Variants in TMEM131L observed in about 807,000 individuals in gnomAD.
TMEM131L encodes transmembrane protein 131-like.
A neutral mutation model predicts 192.2 loss-of-function variants in TMEM131L; 54 were observed. The observed-to-expected ratio is 0.28, with a 90% CI of 0.23 to 0.35. The LOEUF (loss-of-function observed/expected upper bound fraction) is 0.35. Ranked by LOEUF, TMEM131L falls within the 10% of genes least tolerant of loss-of-function variation. The probability of loss-of-function intolerance (pLI) is 1.00; values close to 1 mark genes in which losing one functional copy is unlikely to be tolerated. For missense variants in TMEM131L, 1,888 were observed against 1,972.9 expected (o/e 0.96, Z 0.82); for synonymous variants, 701 against 704.9 (o/e 0.99, Z 0.09).
chr4:153,567,342 T>C (rs899582351), intron 7 of TMEM131L, among the ~76,000 whole-genome samples: 3 of 152,208 alleles, frequency 2.0e-5, no homozygotes, highest in Non-Finnish European at 4.4e-5. Context: ...TTCCTACAAA[T>C]ACCTGTGTAA....
In TMEM131L at chr4:153,515,505, A is replaced by G. The variant is rs923008344; in HGVS notation, c.240-34568A>G. Among the ~76,000 whole-genome samples the G allele has an allele frequency of 1.1e-4, 17 of 152,148 alleles. 1 individual carries two copies. Among genetic ancestry groups the G allele is most frequent in the Admixed American group, 8.5e-4 (13 of 15,266 alleles). On this transcript the variant is annotated intron_variant, in intron 3 of 34. Transcript: ENST00000409959. ...CATTTGTACATTTGGATTGTTTCCA[A>G]TTATTGGCTATTATGAATAATGCTG...
intron 3 of TMEM131L, among the ~76,000 whole-genome samples, chr4:153,495,673 T>C (rs565228902): frequency 2.0e-5 from 3 of 152,292 alleles, no homozygotes; most frequent in Non-Finnish European, 2.9e-5. Flanking sequence ...TCTCCACCTG[T>C]GAAGATGAGC....
chr4:153,581,623 A>C, intron 9 of TMEM131L, 63 bp downstream of exon 9: 3 of 1,126,348 alleles, frequency 2.7e-6, no homozygotes, highest in Non-Finnish European at 3.6e-6. Flanking sequence ...ATTCTATAGC[A>C]TTTATGAACA....
At chr4:153,612,475 T>A (rs1229909251) in intron 26 of TMEM131L, 75 bp downstream of exon 26, 1 of 1,131,030 alleles carries the variant, frequency 8.8e-7, no homozygotes, top group Non-Finnish European at 1.2e-6. Flanking sequence ...TATGTGTATT[T>A]CATATGTTTC....
chr4:153,522,861 T>C (rs773236938), intron 3 of TMEM131L, among the ~76,000 whole-genome samples: 3 of 152,158 alleles, frequency 2.0e-5, no homozygotes, highest in Non-Finnish European at 4.4e-5. Flanking sequence ...CCACTATCAC[T>C]GCCCACAGAC....
chr4:153,618,633 A>G (rs1391184833), intron 26 of TMEM131L, among the ~76,000 whole-genome samples: 3 of 152,172 alleles, frequency 2.0e-5, no homozygotes, highest in Admixed American at 2.0e-4. Flanking sequence ...CAGAGAGGCT[A>G]AGTAACTTGC....
intron 3 of TMEM131L, among the ~76,000 whole-genome samples, chr4:153,505,199 C>A (rs7676993): frequency 6.6e-6 from 1 of 151,530 alleles, no homozygotes; most frequent in Non-Finnish European, 1.5e-5. Context: ...CTCTGCCTTC[C>A]GGGTTCAAGT....
chr4:153,482,487 TTATA>T (rs1732017411), intron 3 of TMEM131L, among the ~76,000 whole-genome samples: 1 of 152,208 alleles, frequency 6.6e-6, no homozygotes, highest in Non-Finnish European at 1.5e-5. Context: ...TGACACCTAT[TTATA>T]TAGTTATTTA....
intron 3 of TMEM131L, among the ~76,000 whole-genome samples, chr4:153,522,844 C>T (rs1735214455): frequency 6.6e-6 from 1 of 152,186 alleles, no homozygotes; most frequent in Non-Finnish European, 1.5e-5. Flanking sequence ...AGGGCCTCCC[C>T]ATCCTCCCAC....
intron 27 of TMEM131L, among the ~76,000 whole-genome samples, chr4:153,621,352 G>A (rs959534134): frequency 3.3e-5 from 5 of 152,154 alleles, no homozygotes; most frequent in African/African-American, 1.2e-4. Context: ...CCTGCAGAAG[G>A]TAGGTTCTTA....
At chr4:153,470,749 A>G (rs796845459) in intron 2 of TMEM131L, among the ~76,000 whole-genome samples, 7 of 152,336 alleles carry the variant, frequency 4.6e-5, no homozygotes, top group African/African-American at 1.7e-4. Context: ...TGATCCACGC[A>G]TAGGTGATGT....
chr4:153,496,230 C>T (rs994613825), intron 3 of TMEM131L, among the ~76,000 whole-genome samples: 1 of 152,156 alleles, frequency 6.6e-6, no homozygotes, highest in Non-Finnish European at 1.5e-5. Context: ...CTGGTCCTAA[C>T]CTAGTTTTGC....
At chr4:153,589,233 A>G (rs1730906794) in intron 16 of TMEM131L, among the ~76,000 whole-genome samples, 1 of 152,144 alleles carries the variant, frequency 6.6e-6, no homozygotes, top group African/African-American at 2.4e-5. Context: ...TCAGCATACA[A>G]TTTTTTTCTA....
At chr4:153,578,188 C>T (rs978233948) in intron 7 of TMEM131L, among the ~76,000 whole-genome samples, 6 of 151,994 alleles carry the variant, frequency 3.9e-5, no homozygotes, top group African/African-American at 1.5e-4. Flanking sequence ...TCATTTGTAA[C>T]CTTAGTTAAA....
chr4:153,589,017 CA>C lies in TMEM131L; in HGVS notation c.1670+11del, dbSNP rs1301110818. On this transcript the variant is annotated intron_variant, in intron 16 of 34. Coordinates refer to ENST00000409959, the MANE Select transcript of TMEM131L (RefSeq NM_001131007.2). ...ATGGTGACGTCTGCAAGTACGTCTCCACTGTCTTCTTTTTTGTTCGGTGGTG... is the reference window on the plus strand; with the variant it reads ...ATGGTGACGTCTGCAAGTACGTCTCCCTGTCTTCTTTTTTGTTCGGTGGTG... The C allele has an allele frequency of 7.2e-7, 1 of 1,389,202 alleles. No homozygotes were observed. Among genetic ancestry groups the C allele is most frequent in the Non-Finnish European group, 1.0e-6 (1 of 976,186 alleles). 86.1% of individuals were successfully genotyped at this position (1,389,202 alleles called of 1,614,324 possible).
At position 153,489,381 on chromosome 4, in the gene TMEM131L, T is replaced by A. The variant is rs181043969; in HGVS notation, c.239+15493T>A. The stretch of plus-strand genomic sequence containing the variant: ...TCCCAGCTCATTGAACCTGGCCTTT[T>A]GGTTGAATGGATTTTATTTCTGAAT... On this transcript the variant is annotated intron_variant, in intron 3 of 34. Transcript: ENST00000409959. Among the ~76,000 whole-genome samples, 142 of 152,316 alleles carry A rather than the reference T, an allele frequency of 9.3e-4. 1 individual carries two copies. The highest frequency in any genetic ancestry group is 3.3e-3 in the African/African-American group (138 of 41,556).
intron 3 of TMEM131L, among the ~76,000 whole-genome samples, chr4:153,474,769 T>C (rs1049358250): frequency 2.6e-5 from 4 of 152,154 alleles, no homozygotes; most frequent in Non-Finnish European, 5.9e-5. Flanking sequence ...CTAGCCAGGC[T>C]GGTCTCAAAC....
intron 7 of TMEM131L, among the ~76,000 whole-genome samples, chr4:153,571,081 A>AT (rs1158275220): frequency 2.0e-5 from 3 of 150,854 alleles, no homozygotes; most frequent in African/African-American, 4.9e-5. Context: ...CTTTCTCTAG[A>AT]TTTTTTTCGG....
intron 30 of TMEM131L, 92 bp from the exon 31 acceptor site, chr4:153,627,513 G>C (rs1733931946): frequency 2.2e-6 from 2 of 905,664 alleles, no homozygotes; most frequent in Non-Finnish European, 3.5e-6. Context: ...GACTTCAATT[G>C]AGTGAAAACT....
Sources: allele counts gnomAD v4.1 joint callset (sites outside exome capture counted in the v4.1 genomes callset), GRCh38; gene constraint gnomAD v4.1.1; transcripts MANE v1.5; gene names NCBI Gene and HGNC (gene_info 2026-07-23, HGNC 2026-07-21).